FRAS1: variants seen among roughly 807,000 people sequenced by gnomAD.
FRAS1 encodes the protein Fraser extracellular matrix complex subunit 1.
A neutral mutation model predicts 435.2 loss-of-function variants in FRAS1; 290 were observed. That is an observed-to-expected ratio of 0.67 (90% CI 0.61 to 0.73). FRAS1 has a LOEUF of 0.73. FRAS1 is among the 30% of genes least tolerant of loss of function. FRAS1 has a pLI of 0.00. For synonymous variants in FRAS1, 1,800 were observed against 1,851.0 expected, an observed-to-expected ratio of 0.97 and a Z score of 0.71; for missense variants, 4,860 against 5,001.5, an observed-to-expected ratio of 0.97 and a Z score of 0.85.
chr4:78,445,174 T>TTGTC (rs1484275207), intron 41 of FRAS1, among the ~76,000 whole-genome samples: 1 of 152,240 alleles, frequency 6.6e-6, no homozygotes, highest in African/African-American at 2.4e-5. Flanking sequence ...TGCTTCTGTA[T>TTGTC]TGTCACTTGC....
chr4:78,069,402 G>T (rs1420654773), intron 2 of FRAS1, among the ~76,000 whole-genome samples: 2 of 152,214 alleles, frequency 1.3e-5, no homozygotes, highest in Non-Finnish European at 2.9e-5. Flanking sequence ...AGCCTGTCTT[G>T]TGAGGATTCC....
chr4:78,163,781 T>C (rs536277579), intron 2 of FRAS1, among the ~76,000 whole-genome samples: 5 of 152,238 alleles, frequency 3.3e-5, no homozygotes, highest in Non-Finnish European at 7.3e-5. Flanking sequence ...AAATAATATT[T>C]TGTTTTCCCT....
In FRAS1 at chr4:78,507,529, T is replaced by G. The variant is rs1720880570; in HGVS notation, c.9425T>G (p.Leu3142Arg). ...CCAGATGACCCAGTGGAAGCAGTTCTTGGGGATGTGACTACTGCCACGGTG... is the reference window on the plus strand; with the variant it reads ...CCAGATGACCCAGTGGAAGCAGTTCGTGGGGATGTGACTACTGCCACGGTG... ...LGPDDPVEAVLGDVTTATVTI... is the reference protein window; with the variant it reads ...LGPDDPVEAVRGDVTTATVTI... Residue 3142 changes from leucine to arginine, a missense_variant, in exon 62 of 74, where the codon CTT becomes CGT. Coordinates refer to ENST00000512123, the MANE Select transcript of FRAS1 (RefSeq NM_025074.7). 3.1e-6 allele frequency: 5 copies of G among 1,612,178 alleles called. No homozygotes were observed. Among genetic ancestry groups the G allele is most frequent in the Non-Finnish European group, 3.4e-6 (4 of 1,179,286 alleles).
At chr4:78,326,594 A>G (rs570124042) in intron 18 of FRAS1, among the ~76,000 whole-genome samples, 36 of 152,338 alleles carry the variant, frequency 2.4e-4, no homozygotes, top group South Asian at 1.0e-3. Flanking sequence ...AACACCCAGA[A>G]AAGATATCTC....
chr4:78,224,332 G>A (rs893161712), intron 2 of FRAS1, among the ~76,000 whole-genome samples: 1 of 152,128 alleles, frequency 6.6e-6, no homozygotes, highest in Admixed American at 6.5e-5. Flanking sequence ...CGTTCTTTAT[G>A]TTCTTGTTTT....
At chr4:78,227,633 A>T (rs1724332174) in intron 2 of FRAS1, among the ~76,000 whole-genome samples, 1 of 152,266 alleles carries the variant, frequency 6.6e-6, no homozygotes, top group African/African-American at 2.4e-5. Context: ...GATTGAGAAC[A>T]TGCAGCAGAG....
chr4:78,530,869 T>C (rs1721689948), intron 70 of FRAS1, among the ~76,000 whole-genome samples: 1 of 152,246 alleles, frequency 6.6e-6, no homozygotes, highest in Non-Finnish European at 1.5e-5. Context: ...TTTCTAATTC[T>C]GTGAAGAAAG....
chr4:78,309,935 G>T (rs1459542369), intron 15 of FRAS1, among the ~76,000 whole-genome samples: 1 of 152,064 alleles, frequency 6.6e-6, no homozygotes, highest in African/African-American at 2.4e-5. Context: ...TCCTCATTTT[G>T]TTCACTGAGC....
At chr4:78,181,073 C>T in intron 2 of FRAS1, 1 of 1,569,354 alleles carries the variant, frequency 6.4e-7, no homozygotes, top group South Asian at 1.1e-5. Context: ...AATGATGGTC[C>T]ATAACTGAAT....
chr4:78,148,261 ATT>A (rs1198485592), intron 2 of FRAS1, among the ~76,000 whole-genome samples: 1 of 152,140 alleles, frequency 6.6e-6, no homozygotes, highest in Admixed American at 6.5e-5. Flanking sequence ...TCTGATTAAA[ATT>A]TTAAGTTTTA....
intron 32 of FRAS1, among the ~76,000 whole-genome samples, chr4:78,415,753 G>C (rs1387020002): frequency 6.6e-6 from 1 of 152,164 alleles, no homozygotes; most frequent in Non-Finnish European, 1.5e-5. Flanking sequence ...TGTCCTGAAA[G>C]GCTTTTGAGG....
At chr4:78,263,054 G>A (rs574029812) in intron 6 of FRAS1, among the ~76,000 whole-genome samples, 7 of 152,314 alleles carry the variant, frequency 4.6e-5, no homozygotes, top group South Asian at 2.1e-4. Context: ...TTGTTGGCCC[G>A]TGTATTAGAC....
chr4:78,282,721 T>A, intron 11 of FRAS1, 99 bp from the exon 12 acceptor site: 3 of 1,398,410 alleles, frequency 2.1e-6, no homozygotes, highest in Non-Finnish European at 3.0e-6. Flanking sequence ...TTAGCTGCCT[T>A]CACTTTGTTC....
chr4:78,407,769 G>A lies in FRAS1; in HGVS notation c.4236G>A (p.Gln1412=). 6.2e-7 allele frequency: 1 copy of A among 1,613,870 alleles called. No homozygotes were observed. Among genetic ancestry groups the A allele is most frequent in the South Asian group, 1.1e-5 (1 of 91,074 alleles). ...TATPTSTFTQ[Q]DINEGIVWYR... ...CCCCCACCAGCACCTTCACCCAGCA[G>A]GACATCAATGAAGGCATCGTATGGT... Residue 1412 remains glutamine, a synonymous_variant, in exon 31 of 74, where the codon CAG becomes CAA. Coordinates refer to ENST00000512123, the MANE Select transcript of FRAS1 (RefSeq NM_025074.7).
chr4:78,152,551 C>A (rs962767931), intron 2 of FRAS1, among the ~76,000 whole-genome samples: 5 of 145,432 alleles, frequency 3.4e-5, no homozygotes, highest in South Asian at 4.6e-4. Flanking sequence ...ATTTTCAATT[C>A]AAGAAAAGAC....
In FRAS1 at chr4:78,400,816, T is replaced by C; in HGVS notation, c.4058T>C (p.Leu1353Ser). 4.3e-6 allele frequency: 7 copies of C among 1,613,778 alleles called. No homozygotes were observed. The highest frequency in any genetic ancestry group is 5.9e-6 in the Non-Finnish European group (7 of 1,179,788). The change falls in exon 30 of 74, where the codon TTA (leucine) becomes TCA (serine). Residue 1353 changes from leucine (L) to serine (S), a missense_variant. Coordinates refer to ENST00000512123, the MANE Select transcript of FRAS1 (RefSeq NM_025074.7). ...ATGCTGCAGATCACCAACAGAATCTTACAGGCCGAGGCTCCTGGTGCCAGT... is the reference window on the plus strand; with the variant it reads ...ATGCTGCAGATCACCAACAGAATCTCACAGGCCGAGGCTCCTGGTGCCAGT... ...GGMLQITNRILQAEAPGASAE... is the reference protein window; with the variant it reads ...GGMLQITNRISQAEAPGASAE...
At chr4:78,345,548 C>T (rs572192900) in intron 20 of FRAS1, among the ~76,000 whole-genome samples, 4 of 151,618 alleles carry the variant, frequency 2.6e-5, no homozygotes, top group African/African-American at 7.3e-5. Context: ...TCAATTTGCT[C>T]GTGTCTTCTA....
chr4:78,518,453 T>TA (rs1491464322), intron 66 of FRAS1, among the ~76,000 whole-genome samples: 1,333 of 99,568 alleles, frequency 0.013, 28 homozygotes, highest in African/African-American at 0.045. Context: ...TATATATATA[T>TA]TTATTTATTT....
intron 14 of FRAS1, among the ~76,000 whole-genome samples, chr4:78,297,257 T>C (rs181338177): frequency 6.6e-6 from 1 of 152,210 alleles, no homozygotes; most frequent in South Asian, 2.1e-4. Flanking sequence ...GCCTCACTGA[T>C]GAATCTCAGA....
Sources: allele counts gnomAD v4.1 joint callset (sites outside exome capture counted in the v4.1 genomes callset), GRCh38; gene constraint gnomAD v4.1.1; transcripts MANE v1.5; gene names NCBI Gene and HGNC (gene_info 2026-07-23, HGNC 2026-07-21).